CAMSAP2: variants seen among roughly 807,000 people sequenced by gnomAD.
The protein encoded by CAMSAP2 is calmodulin regulated spectrin associated protein family member 2, also known as calmodulin-regulated spectrin-associated protein 2.
Under a neutral mutation model 146.1 loss-of-function variants are expected in CAMSAP2, and 26 were observed. The observed-to-expected ratio is 0.18, with a 90% CI of 0.13 to 0.25. The LOEUF (loss-of-function observed/expected upper bound fraction) is 0.25, where lower values mean the gene tolerates loss of function less well. Among genes scored for constraint, CAMSAP2 ranks in the 10% least tolerant of loss-of-function variants. The pLI is 1.00. For missense variants in CAMSAP2, 1,381 were observed against 1,759.3 expected (o/e 0.78, Z 3.85); for synonymous variants, 499 against 596.6 (o/e 0.84, Z 2.38).
intron 4 of CAMSAP2, among the ~76,000 whole-genome samples, chr1:200,816,674 ATG>A (rs1395150472): frequency 6.9e-6 from 1 of 144,774 alleles, no homozygotes; most frequent in African/African-American, 2.5e-5. Context: ...ACATGTGTAT[ATG>A]TGTGTATATG....
intron 6 of CAMSAP2, among the ~76,000 whole-genome samples, chr1:200,841,278 G>A (rs1050600007): frequency 1.3e-5 from 2 of 152,068 alleles, no homozygotes; most frequent in African/African-American, 4.8e-5. Context: ...ACGGAGTCTT[G>A]CCCTGTCACC....
At chr1:200,754,524 C>G (rs1417343144) in intron 1 of CAMSAP2, among the ~76,000 whole-genome samples, 1 of 151,092 alleles carries the variant, frequency 6.6e-6, no homozygotes, top group East Asian at 1.9e-4. Flanking sequence ...TGATTACTAT[C>G]CTTTTTTTCC....
intron 2 of CAMSAP2, among the ~76,000 whole-genome samples, chr1:200,802,108 G>A (rs923022161): frequency 6.6e-6 from 1 of 152,190 alleles, no homozygotes; most frequent in Non-Finnish European, 1.5e-5. Context: ...ATATAAGAAT[G>A]TCTTTGGATT....
chr1:200,824,900 G>A (rs1571802888), intron 4 of CAMSAP2, among the ~76,000 whole-genome samples: 1 of 152,032 alleles, frequency 6.6e-6, no homozygotes, highest in African/African-American at 2.4e-5. Context: ...AATTGCTTGA[G>A]CCCGGGAGGC....
rs1667549879 is a variant in CAMSAP2 at position 200,849,252 on chromosome 1, G to A, written c.2483G>A (p.Gly828Glu). 1 of 1,613,864 alleles carries A rather than the reference G, an allele frequency of 6.2e-7. No homozygotes were observed. Among genetic ancestry groups the A allele is most frequent in the Non-Finnish European group, 8.5e-7 (1 of 1,179,980 alleles). The change falls in exon 11 of 17, where the codon GGA (glycine) becomes GAA (glutamate). Residue 828 changes from glycine (G) to glutamate (E), a missense_variant. Physicochemically the swap from Gly to Glu is moderately conservative, Grantham distance 98. Coordinates refer to ENST00000358823, the MANE Select transcript of CAMSAP2 (RefSeq NM_203459.4). The surrounding 1 kb of genome is among the most constrained non-coding windows in gnomAD (Gnocchi z 6.3). Reference protein sequence around the residue: ...AKEKESQKTDGQRSKSLADIK... With the variant: ...AKEKESQKTDEQRSKSLADIK... ...GAAAAGGAATCACAAAAAACTGATG[G>A]ACAAAGGAGCAAGTCACTGGCAGAT...
At chr1:200,741,453 T>G (rs1185573171) in intron 1 of CAMSAP2, among the ~76,000 whole-genome samples, 1 of 152,238 alleles carries the variant, frequency 6.6e-6, no homozygotes, top group Non-Finnish European at 1.5e-5. Flanking sequence ...AGCAGCACAC[T>G]GAAGCCGGTA....
At chr1:200,803,631 TCA>T (rs1666094459) in intron 2 of CAMSAP2, among the ~76,000 whole-genome samples, 1 of 151,610 alleles carries the variant, frequency 6.6e-6, no homozygotes, top group Admixed American at 6.6e-5. Context: ...AAAAAAAAAA[TCA>T]CACTAAAATG....
At chr1:200,794,775 A>G (rs1322732018) in intron 2 of CAMSAP2, among the ~76,000 whole-genome samples, 2 of 152,176 alleles carry the variant, frequency 1.3e-5, no homozygotes, top group African/African-American at 4.8e-5. Context: ...CTCTAATTAG[A>G]GTCCCATCTG....
At chr1:200,793,267 G>T (rs1160868766) in intron 2 of CAMSAP2, among the ~76,000 whole-genome samples, 3 of 152,096 alleles carry the variant, frequency 2.0e-5, no homozygotes, top group African/African-American at 7.2e-5. Flanking sequence ...ATACAATAGT[G>T]GCTGTGAAGT....
intron 2 of CAMSAP2, among the ~76,000 whole-genome samples, chr1:200,791,596 C>G (rs755853212): frequency 1.8e-4 from 27 of 152,102 alleles, no homozygotes; most frequent in Non-Finnish European, 3.2e-4. Context: ...TGAAATATCA[C>G]TGGAAGTTGA....
intron 2 of CAMSAP2, among the ~76,000 whole-genome samples, chr1:200,784,491 G>A (rs1665530561): frequency 6.6e-6 from 1 of 152,034 alleles, no homozygotes; most frequent in South Asian, 2.1e-4. Context: ...AGATTCATAT[G>A]CACTTTGTTG....
rs1466151050 is a variant in CAMSAP2 at position 200,816,763 on chromosome 1, T to C, written c.645+1119T>C. On this transcript the variant is annotated intron_variant, in intron 4 of 16. Coordinates refer to ENST00000358823, the MANE Select transcript of CAMSAP2 (RefSeq NM_203459.4). ...ACACACACGCGTGTATATATGTGTG[T>C]ACACACACACGCGTGTATATATGTG... 8.3e-5 allele frequency among the ~76,000 whole-genome samples: 10 copies of C among 120,808 alleles called. 3 individuals carry two copies. The highest frequency in any genetic ancestry group is 1.6e-4 in the Non-Finnish European group (9 of 55,716). The allele number at this position is 120,808 out of a possible 152,430, so 79.3% of individuals were successfully genotyped here.
chr1:200,791,702 C>G (rs1227979181), intron 2 of CAMSAP2, among the ~76,000 whole-genome samples: 1 of 152,118 alleles, frequency 6.6e-6, no homozygotes, highest in African/African-American at 2.4e-5. Context: ...TTATTCTTTT[C>G]CTTTAAGACC....
At chr1:200,817,250 A>ATAAG (rs796202550) in intron 4 of CAMSAP2, among the ~76,000 whole-genome samples, 4 of 10,592 alleles carry the variant, frequency 3.8e-4, no homozygotes, top group African/African-American at 1.1e-3. Flanking sequence ...ATACACACAT[A>ATAAG]TGTGTGTGTA....
chr1:200,837,686 T>C (rs1438924145), intron 6 of CAMSAP2, among the ~76,000 whole-genome samples: 2 of 152,214 alleles, frequency 1.3e-5, no homozygotes, highest in Admixed American at 1.3e-4. Context: ...TTAACAATAT[T>C]GATTCTTCCT....
intron 2 of CAMSAP2, among the ~76,000 whole-genome samples, chr1:200,770,784 C>T (rs989980888): frequency 1.3e-5 from 2 of 151,970 alleles, no homozygotes; most frequent in Admixed American, 6.6e-5. Context: ...TGATAATAAC[C>T]AGAGAAGGCA....
intron 4 of CAMSAP2, among the ~76,000 whole-genome samples, chr1:200,827,463 C>T (rs1177606421): frequency 6.6e-6 from 1 of 152,166 alleles, no homozygotes; most frequent in East Asian, 1.9e-4. Flanking sequence ...TGGTCCTGCT[C>T]TTGTACTTTT....
chr1:200,849,156 A>T lies in CAMSAP2; in HGVS notation c.2387A>T (p.Asp796Val). ...AFLTVVKKKG[D>V]GISPLREEAA... ...CTTACTGTAGTGAAAAAGAAAGGGG[A>T]TGGGATATCTCCTCTACGAGAGGAA... is the stretch of plus-strand genomic sequence containing the variant. The change falls in exon 11 of 17, where the codon GAT becomes GTT. Residue 796 changes from aspartate (D) to valine (V), a missense_variant. By Grantham distance (152) the Asp-to-Val change is radical (BLOSUM62 -3). Coordinates refer to ENST00000358823, the MANE Select transcript of CAMSAP2 (RefSeq NM_203459.4). This position sits in a 1 kb window ranked among gnomAD's most constrained non-coding sequence, Gnocchi z 6.3. The T allele has an allele frequency of 6.2e-7, 1 of 1,614,126 alleles. No homozygotes were observed. Among genetic ancestry groups the T allele is most frequent in the South Asian group, 1.1e-5 (1 of 91,086 alleles).
rs1364421397 is a variant in CAMSAP2 at position 200,816,605 on chromosome 1, A to AAAAT, written c.645+962_645+963insAATA. The stretch of plus-strand genomic sequence containing the variant: ...GCAAAACTTCATCTCAAAAAAAAAA[A>AAAAT]ATATATATATATATATATATGTATA... On this transcript the variant is annotated intron_variant, in intron 4 of 16. Coordinates refer to ENST00000358823, the MANE Select transcript of CAMSAP2 (RefSeq NM_203459.4). 8.3e-4 allele frequency among the ~76,000 whole-genome samples: 92 copies of AAAAT among 111,218 alleles called. 2 individuals carry two copies. The highest frequency in any genetic ancestry group is 4.0e-3 in the East Asian group (16 of 3,958). 73.0% of individuals were successfully genotyped at this position (111,218 alleles called of 152,430 possible). A position where few individuals can be genotyped will look rare whatever the true frequency, so the allele number is the denominator to read the frequency against.
Sources: gnomAD v4.1 joint callset for allele counts (sites outside exome capture counted in the v4.1 genomes callset) on GRCh38, gnomAD v4.1.1 for gene constraint, Gnocchi (gnomAD v3.1) non-coding constraint, MANE v1.5 for transcripts, NCBI Gene and HGNC (gene_info 2026-07-23, HGNC 2026-07-21) for gene names.